The following SRPK1 variants were observed in gnomAD, a reference collection of about 807,000 sequenced individuals.
SRPK1 encodes the protein SRSF protein kinase 1, also known as SFRS protein kinase 1.
Under a neutral mutation model 89.5 loss-of-function variants are expected in SRPK1, and 52 were observed. The ratio of observed to expected loss-of-function variants is 0.58; its 90% CI spans 0.46 to 0.73. The LOEUF is 0.73. SRPK1 is among the 30% of genes least tolerant of loss of function. SRPK1 has a pLI of 0.00. For missense variants in SRPK1, 603 were observed against 780.6 expected, an observed-to-expected ratio of 0.77 and a Z score of 2.71; for synonymous variants, 255 against 270.2, an observed-to-expected ratio of 0.94 and a Z score of 0.55.
rs566345209 is a variant in SRPK1 at position 35,903,170 on chromosome 6, A to G, written c.75-12157T>C. On this transcript the variant is annotated intron_variant, in intron 2 of 15. Coordinates refer to ENST00000373825, the MANE Select transcript of SRPK1 (RefSeq NM_003137.5). ...GGAAAGATAGGGTTGCCTACAAGGT[A>G]CATTGATAATCAGTTACAAAATAAG... 2.6e-5 allele frequency among the ~76,000 whole-genome samples: 4 copies of G among 152,194 alleles called. No individual in the cohort carries two copies. In the South Asian group the frequency reaches 8.3e-4, roughly 32 times the overall value.
chr6:35,879,009 T>C lies in SRPK1; in HGVS notation c.479-4670A>G, dbSNP rs1035333954. The stretch of plus-strand genomic sequence containing the variant: ...GGGAGGCTGAGGCAGGAGAATCACT[T>C]AAACCCAGGAGGCGGAGGTTGCACT... On this transcript the variant is annotated intron_variant, in intron 6 of 15. Coordinates refer to ENST00000373825, the MANE Select transcript of SRPK1 (RefSeq NM_003137.5). Among the ~76,000 whole-genome samples, 8 of 152,094 alleles carry C rather than the reference T, an allele frequency of 5.3e-5. No homozygotes were observed. In the East Asian group the frequency reaches 1.4e-3, roughly 26 times the overall value.
intron 6 of SRPK1, among the ~76,000 whole-genome samples, chr6:35,879,229 G>A (rs1318595391): frequency 6.6e-6 from 1 of 151,838 alleles, no homozygotes; most frequent in Non-Finnish European, 1.5e-5. Context: ...GGAAGAGAAA[G>A]ACTACATAAG....
intron 2 of SRPK1, among the ~76,000 whole-genome samples, chr6:35,902,883 T>TAAA: frequency 6.6e-6 from 1 of 152,220 alleles, no homozygotes. Context: ...GAGCTTGTCC[T>TAAA]CAAGCTCATA....
At chr6:35,880,226 A>C (rs1434281362) in intron 6 of SRPK1, among the ~76,000 whole-genome samples, 3 of 152,144 alleles carry the variant, frequency 2.0e-5, no homozygotes, top group Admixed American at 6.5e-5. Flanking sequence ...ACAATAACCA[A>C]AATGAAAAAA....
rs1769986390 is a variant in SRPK1 at position 35,869,607 on chromosome 6, GA to G, written c.1285del (p.Ser429LeufsTer5). 1 of 1,613,858 alleles carries G rather than the reference GA, an allele frequency of 6.2e-7. No individual in the cohort carries two copies. Among genetic ancestry groups the G allele is most frequent in the Non-Finnish European group, 8.5e-7 (1 of 1,179,894 alleles). ...SEVSDTMVCQ[S>X]SSTVGQSFSE... Reference sequence around the variant, plus strand: ...GAATGACTGACCTACAGTTGAGGAAGACTGGCACACCATGGTGTCTGACACC... The same window carrying G: ...GAATGACTGACCTACAGTTGAGGAAGCTGGCACACCATGGTGTCTGACACC... On this transcript the variant is annotated frameshift_variant, in exon 11 of 16. Coordinates refer to ENST00000373825, the MANE Select transcript of SRPK1 (RefSeq NM_003137.5). LOFTEE classifies it high-confidence loss of function.
intron 13 of SRPK1, among the ~76,000 whole-genome samples, chr6:35,845,628 C>T (rs373651030): frequency 6.6e-6 from 1 of 152,182 alleles, no homozygotes; most frequent in African/African-American, 2.4e-5. Context: ...ACTGACACAG[C>T]TTGAGGGGCA....
rs1380945604 is a variant in SRPK1, at chr6:35,900,110, GAGATAATAGTTACAGCAA to G, written c.75-9115_75-9098del. 1.1e-4 allele frequency among the ~76,000 whole-genome samples: 16 copies of G among 152,334 alleles called. No individual in the cohort carries two copies. The East Asian group carries it at 3.1e-3, about 29-fold the overall frequency. ...AGCAGAGATGTTGGGGACCACTGCA[GAGATAATAGTTACAGCAA>G]AGGTCTCTGGAGTCAGGAGACTTGA... On this transcript the variant is annotated intron_variant, in intron 2 of 15. Coordinates refer to ENST00000373825, the MANE Select transcript of SRPK1 (RefSeq NM_003137.5).
At chr6:35,894,517 A>G (rs1393878153) in intron 2 of SRPK1, among the ~76,000 whole-genome samples, 1 of 152,196 alleles carries the variant, frequency 6.6e-6, no homozygotes, top group Non-Finnish European at 1.5e-5. Flanking sequence ...ATGAAAATAG[A>G]AGAGATAAAA....
At chr6:35,859,065 C>T (rs1769722179) in intron 12 of SRPK1, among the ~76,000 whole-genome samples, 1 of 152,028 alleles carries the variant, frequency 6.6e-6, no homozygotes, top group Non-Finnish European at 1.5e-5. Flanking sequence ...GAAAAGGAAC[C>T]ATAATATATG....
intron 3 of SRPK1, among the ~76,000 whole-genome samples, 171 bp from the exon 4 acceptor site, chr6:35,889,094 T>C (rs780848475): frequency 2.0e-5 from 3 of 152,314 alleles, no homozygotes; most frequent in African/African-American, 2.4e-5. Flanking sequence ...ATCAGCCACA[T>C]AGTATTACTG....
At chr6:35,910,679 A>C (rs1770940774) in intron 2 of SRPK1, among the ~76,000 whole-genome samples, 1 of 152,238 alleles carries the variant, frequency 6.6e-6, no homozygotes, top group African/African-American at 2.4e-5. Flanking sequence ...CTGGCTTCAA[A>C]GCTTCAAAGG....
chr6:35,906,542 G>T (rs1770851926), intron 2 of SRPK1, among the ~76,000 whole-genome samples: 1 of 152,106 alleles, frequency 6.6e-6, no homozygotes, highest in South Asian at 2.1e-4. Context: ...TTAAGTAAAA[G>T]AAGCCAGTCA....
chr6:35,847,385 T>C (rs1402693155), intron 13 of SRPK1, among the ~76,000 whole-genome samples: 2 of 152,140 alleles, frequency 1.3e-5, no homozygotes, highest in African/African-American at 4.8e-5. Flanking sequence ...TTTTCATTTC[T>C]TTTGGTAGAA....
At chr6:35,843,572 TCCGGAGTA>T (rs1769364567) in intron 13 of SRPK1, among the ~76,000 whole-genome samples, 1 of 151,848 alleles carries the variant, frequency 6.6e-6, no homozygotes, top group Non-Finnish European at 1.5e-5. Context: ...TGCCTCAGCC[TCCGGAGTA>T]GCTGGGACTA....
intron 9 of SRPK1, among the ~76,000 whole-genome samples, 170 bp from the exon 10 acceptor site, chr6:35,870,664 CA>C (rs1338526917): frequency 6.6e-6 from 1 of 152,100 alleles, no homozygotes; most frequent in Non-Finnish European, 1.5e-5. Flanking sequence ...CTTATAAACC[CA>C]AATAAAAACA....
At chr6:35,892,517 T>C (rs1005140738) in intron 2 of SRPK1, among the ~76,000 whole-genome samples, 2 of 152,172 alleles carry the variant, frequency 1.3e-5, no homozygotes, top group African/African-American at 4.8e-5. Context: ...CTGGGTGTGG[T>C]GGCAGGCACC....
Position 35,890,967 on chromosome 6 carries a change from G to C in SRPK1, c.121C>G (p.Leu41Val). Residue 41 changes from leucine (L) to valine (V), a missense_variant, in exon 3 of 16, where the codon CTA becomes GTA. Coordinates refer to ENST00000373825, the MANE Select transcript of SRPK1 (RefSeq NM_003137.5). ...AGAATCTCCTCTTCCTGCTCTGGTA[G>C]ATCACTCTCAGAGTGGGGAGCAGAG... ...RGSAPHSESDLPEQEEEILGS... is the reference protein window; with the variant it reads ...RGSAPHSESDVPEQEEEILGS... The C allele has an allele frequency of 1.3e-6, 2 of 1,553,828 alleles. No homozygotes were observed. Among genetic ancestry groups the C allele is most frequent in the Non-Finnish European group, 1.7e-6 (2 of 1,147,686 alleles).
chr6:35,848,699 C>T (rs991786695), intron 13 of SRPK1, among the ~76,000 whole-genome samples: 1 of 152,146 alleles, frequency 6.6e-6, no homozygotes, highest in Admixed American at 6.5e-5. Flanking sequence ...GAAATGAACC[C>T]ACGCATGTAT....
intron 12 of SRPK1, among the ~76,000 whole-genome samples, chr6:35,868,782 G>C (rs539018315): frequency 6.6e-6 from 1 of 152,274 alleles, no homozygotes; most frequent in East Asian, 1.9e-4. Flanking sequence ...GGTATCTGGA[G>C]TGGGGTGGGG....
Sources: allele counts gnomAD v4.1 joint callset (sites outside exome capture counted in the v4.1 genomes callset), GRCh38; gene constraint gnomAD v4.1.1; transcripts MANE v1.5; gene names NCBI Gene and HGNC (gene_info 2026-07-23, HGNC 2026-07-21).